IL13RA1: variants seen among roughly 807,000 people sequenced by gnomAD.
The protein encoded by IL13RA1 is interleukin 13 receptor subunit alpha 1.
Under a neutral mutation model 33.8 loss-of-function variants are expected in IL13RA1, and 14 were observed. The observed-to-expected ratio is 0.41, with a 90% confidence interval of 0.27 to 0.65. The LOEUF is 0.65. IL13RA1 is among the 30% of genes least tolerant of loss of function. The pLI is 0.28. For synonymous variants in IL13RA1, 116 were observed against 115.7 expected (o/e 1.00, Z -0.02); for missense variants, 313 against 327.0 (o/e 0.96, Z 0.33).
At chrX:118,738,671 T>G (rs771804188) in intron 1 of IL13RA1, among the ~76,000 whole-genome samples, 1 of 111,334 alleles carries the variant, frequency 9.0e-6, no homozygotes, top group Non-Finnish European at 1.9e-5. Flanking sequence ...TGAATAGTGC[T>G]GCAGTGAACA....
chrX:118,733,318 A>T (rs149730563), intron 1 of IL13RA1, among the ~76,000 whole-genome samples: 336 of 111,629 alleles, frequency 3.0e-3, no homozygotes, highest in African/African-American at 0.01. Context: ...CTGTTTTTTG[A>T]TAGTAGCCAT....
intron 4 of IL13RA1, among the ~76,000 whole-genome samples, chrX:118,751,475 G>T (rs949335464): frequency 2.8e-4 from 31 of 111,498 alleles, no homozygotes; most frequent in Non-Finnish European, 5.3e-4. Context: ...CAGAGGGATA[G>T]ATAGATTCCT....
rs755414850 is a variant in IL13RA1, at chrX:118,776,950, C to T, written c.1191+439C>T. Among the ~76,000 whole-genome samples the T allele has an allele frequency of 9.9e-4, 103 of 104,383 alleles. 1 individual carries two copies. Among genetic ancestry groups the T allele is most frequent in the African/African-American group, 2.9e-3 (83 of 28,527 alleles). 90.6% of individuals were successfully genotyped at this position (104,383 alleles called of 115,157 possible). The stretch of plus-strand genomic sequence containing the variant: ...CTGCATTCCAGCCTGGATGACAGAG[C>T]GAGACTCTCTAAAAAATAAAATATA... On this transcript the variant is annotated intron_variant, in intron 10 of 10. Transcript: ENST00000371666.
chrX:118,739,599 T>C (rs1276412806), intron 1 of IL13RA1, among the ~76,000 whole-genome samples: 2 of 112,112 alleles, frequency 1.8e-5, no homozygotes, highest in East Asian at 5.6e-4. Context: ...AATTTTTGAT[T>C]TACAGAAAAG....
rs757886891 is a variant in IL13RA1, at chrX:118,728,052, G to A, written c.88+326G>A. On this transcript the variant is annotated intron_variant, in intron 1 of 10. Transcript: ENST00000371666. ...GGAGGCTGGCGTCCAGGCGTGCGGG[G>A]GCGGGGGGCCCGAAACATGCCCACG... Among the ~76,000 whole-genome samples the A allele has an allele frequency of 3.5e-5, 4 of 112,834 alleles. No homozygotes were observed. In the Admixed American group the frequency reaches 3.7e-4, roughly 10 times the overall value.
downstream of IL13RA1, among the ~76,000 whole-genome samples, chrX:118,797,102 C>T (rs1183735557): frequency 8.9e-6 from 1 of 112,013 alleles, no homozygotes; most frequent in Non-Finnish European, 1.9e-5. Flanking sequence ...CCATCCATGA[C>T]TCCTAATGGT....
chrX:118,765,527 G>A (rs936028340), intron 6 of IL13RA1, among the ~76,000 whole-genome samples: 2 of 111,901 alleles, frequency 1.8e-5, no homozygotes, highest in African/African-American at 6.5e-5. Flanking sequence ...TCATTCCATT[G>A]TGTGAATATA....
intron 1 of IL13RA1, among the ~76,000 whole-genome samples, chrX:118,732,754 A>G (rs757493854): frequency 6.2e-4 from 69 of 112,046 alleles, no homozygotes; most frequent in African/African-American, 2.2e-3. Flanking sequence ...TTATGACTGC[A>G]TAGTATTCCA....
intron 6 of IL13RA1, among the ~76,000 whole-genome samples, chrX:118,763,146 A>T (rs1447011091): frequency 4.5e-5 from 5 of 111,639 alleles, no homozygotes; most frequent in African/African-American, 1.6e-4. Flanking sequence ...CTATGTCACA[A>T]ACCTACACAC....
intron 1 of IL13RA1, among the ~76,000 whole-genome samples, chrX:118,733,373 T>G (rs2017244989): frequency 8.9e-6 from 1 of 112,103 alleles, no homozygotes; most frequent in South Asian, 3.7e-4. Flanking sequence ...TTGGTTTGCA[T>G]TTTCCTAAAT....
chrX:118,733,172 T>C (rs753981387), intron 1 of IL13RA1, among the ~76,000 whole-genome samples: 200 of 112,479 alleles, frequency 1.8e-3, no homozygotes, highest in African/African-American at 6.4e-3. Flanking sequence ...AGAAATGGAA[T>C]TATTGTATCA....
chrX:118,782,246 A>T (rs919006414), intron 10 of IL13RA1, among the ~76,000 whole-genome samples: 2 of 110,148 alleles, frequency 1.8e-5, no homozygotes, highest in African/African-American at 6.6e-5. Context: ...CTAATTTTTA[A>T]ATTTCTTTTG....
At chrX:118,790,522 T>G (rs1341499913) in intron 10 of IL13RA1, among the ~76,000 whole-genome samples, 1 of 111,845 alleles carries the variant, frequency 8.9e-6, no homozygotes, top group African/African-American at 3.2e-5. Context: ...TTCTGGGTCA[T>G]GTGGTAAGTG....
Position 118,792,017 on chromosome X carries a change from A to C in IL13RA1, c.*163A>C. 1 of 325,705 alleles carries C rather than the reference A, an allele frequency of 3.1e-6. No individual in the cohort carries two copies. 26.8% of individuals were successfully genotyped at this position (325,705 alleles called of 1,213,427 possible). ...TCTTTATGTTGAGTCGCGCACCGAA[A>C]AACTAAAAATAATGGGCGCTTTGGA... On this transcript the variant is annotated 3_prime_UTR_variant, in exon 11 of 11. Transcript: ENST00000371666.
intron 5 of IL13RA1, 57 bp from the exon 6 acceptor site, chrX:118,761,081 G>A: frequency 9.2e-6 from 5 of 541,686 alleles, no homozygotes; most frequent in Non-Finnish European, 1.5e-5. Flanking sequence ...CCGACTGTGT[G>A]TTTGTGTGTA....
rs970641177 is a variant in IL13RA1, at chrX:118,761,256, T to C, written c.795T>C (p.Asn265=). The C allele has an allele frequency of 8.5e-6, 9 of 1,053,100 alleles. No homozygotes were observed. Among genetic ancestry groups the C allele is most frequent in the African/African-American group, 1.8e-5 (1 of 54,359 alleles). The allele number at this position is 1,053,100 out of a possible 1,213,427, so 86.8% of individuals were successfully genotyped here. A position where few individuals can be genotyped will look rare whatever the true frequency, so the allele number is the denominator to read the frequency against. The change falls in exon 6 of 11, where the codon AAT becomes AAC. Residue 265 remains asparagine (N), a synonymous_variant. Transcript: ENST00000371666. ...SRCLFYEVEV[N]NSQTETHNVF... ...GCCTATTTTATGAAGTAGAAGTCAA[T>C]AACAGCCAAACTGAGACACATAATG...
the IL13RA1 span, among the ~76,000 whole-genome samples, chrX:118,802,113 T>C: frequency 8.1e-4 from 90 of 111,211 alleles, no homozygotes; most frequent in African/African-American, 2.8e-3. Flanking sequence ...ACCTTTAACA[T>C]GTGAGGGTTG....
rs1448430226 is a variant in IL13RA1, at chrX:118,793,134, C to G, written c.*1280C>G. On this transcript the variant is annotated 3_prime_UTR_variant, in exon 11 of 11. Coordinates refer to ENST00000371666, the MANE Select transcript of IL13RA1 (RefSeq NM_001560.3). ...CCCTTCCTTGTAGCCTTTTGACTTT[C>G]ATTGGAAATTAGGATGTAAATCTGC... The G allele has an allele frequency of 1.8e-5, 2 of 111,732 alleles. No individual in the cohort carries two copies. Among genetic ancestry groups the G allele is most frequent in the Admixed American group, 1.9e-4 (2 of 10,484 alleles). 9.2% of individuals were successfully genotyped at this position (111,732 alleles called of 1,213,427 possible). A position where few individuals can be genotyped will look rare whatever the true frequency, so the allele number is the denominator to read the frequency against.
intron 4 of IL13RA1, among the ~76,000 whole-genome samples, chrX:118,754,655 A>T (rs1290075961): frequency 3.9e-5 from 4 of 102,381 alleles, no homozygotes; most frequent in Non-Finnish European, 7.6e-5. Context: ...AATACTATTT[A>T]TTATTATTAT....
Sources: gnomAD v4.1 joint callset for allele counts (sites outside exome capture counted in the v4.1 genomes callset) on GRCh38, gnomAD v4.1.1 for gene constraint, MANE v1.5 for transcripts, NCBI Gene and HGNC (gene_info 2026-07-23, HGNC 2026-07-21) for gene names.